Variants in COL3A1 observed in about 807,000 individuals in gnomAD.
The protein encoded by COL3A1 is collagen type III alpha 1 chain.
COL3A1 carries 46 observed loss-of-function variants against 200.9 expected under a neutral mutation model. That is an observed-to-expected ratio of 0.23 (90% CI 0.18 to 0.29). The LOEUF (loss-of-function observed/expected upper bound fraction) is 0.29, where lower values mean the gene tolerates loss of function less well. COL3A1 is among the 10% of genes least tolerant of loss of function. The pLI is 1.00. For missense variants in COL3A1, 1,367 were observed against 1,917.6 expected, an observed-to-expected ratio of 0.71 and a Z score of 5.36; for synonymous variants, 650 against 628.0, an observed-to-expected ratio of 1.03 and a Z score of -0.52.
intron 33 of COL3A1, 28 bp from the exon 34 acceptor site, chr2:189,001,508 G>C (rs896746955): frequency 1.2e-6 from 2 of 1,614,090 alleles, no homozygotes; most frequent in Non-Finnish European, 1.7e-6. Context: ...TTGGATGCAA[G>C]ACAGTGACAT....
At chr2:188,981,521 G>C (rs1043683485) in intron 1 of COL3A1, among the ~76,000 whole-genome samples, 1 of 151,370 alleles carries the variant, frequency 6.6e-6, no homozygotes, top group Non-Finnish European at 1.5e-5. Flanking sequence ...TTCAATAGTA[G>C]AATGAAATTA....
intron 1 of COL3A1, among the ~76,000 whole-genome samples, chr2:188,983,083 T>G (rs944161011): frequency 2.0e-5 from 3 of 151,940 alleles, no homozygotes; most frequent in Non-Finnish European, 4.4e-5. Flanking sequence ...GGTATTCAGC[T>G]TTTATATTCA....
chr2:188,991,699 C>T lies in COL3A1; in HGVS notation c.928C>T (p.Arg310Trp), dbSNP rs757062073. The T allele has an allele frequency of 1.3e-5, 21 of 1,613,972 alleles. No homozygotes were observed. The highest frequency in any genetic ancestry group is 8.3e-5 in the Admixed American group (5 of 60,022). The change falls in exon 13 of 51, where the codon CGG (arginine) becomes TGG (tryptophan). Residue 310 changes from arginine to tryptophan, a missense_variant. Physicochemically the swap from Arg to Trp is moderately radical, Grantham distance 101. Coordinates refer to ENST00000304636, the MANE Select transcript of COL3A1 (RefSeq NM_000090.4). ...AAGAGGGGCTCCTGGTGAGCGAGGA[C>T]GGCCAGGACTTCCTGGGGCTGCAGT... Reference protein sequence around the residue: ...GPRGAPGERGRPGLPGAAGAR... With the variant: ...GPRGAPGERGWPGLPGAAGAR...
At chr2:188,989,153 G>C (rs56107615) in intron 7 of COL3A1, among the ~76,000 whole-genome samples, 1 of 127,958 alleles carries the variant, frequency 7.8e-6, no homozygotes, top group Non-Finnish European at 1.5e-5. Context: ...ATTCCTAAAC[G>C]TGTAGAAATG....
chr2:188,996,575 A>G (rs2153502700), intron 24 of COL3A1, 79 bp downstream of exon 24: 2 of 1,188,988 alleles, frequency 1.7e-6, no homozygotes, highest in Non-Finnish European at 2.5e-6. Context: ...AGAAATGGTC[A>G]AAACTCAGTC....
chr2:188,978,029 A>G, intron 1 of COL3A1: 1 of 379,514 alleles, frequency 2.6e-6, no homozygotes, highest in Non-Finnish European at 5.2e-6. Flanking sequence ...CTTTTTTTCT[A>G]GGGAAAGAAA....
chr2:188,976,386 T>G (rs1475765078), intron 1 of COL3A1, among the ~76,000 whole-genome samples: 2 of 152,100 alleles, frequency 1.3e-5, no homozygotes, highest in African/African-American at 4.8e-5. Context: ...AAGTATAAAA[T>G]TTTGCTGATA....
At chr2:188,999,602 G>T (rs766600119) in intron 31 of COL3A1, 25 bp downstream of exon 31, 1 of 1,599,556 alleles carries the variant, frequency 6.3e-7, no homozygotes, top group South Asian at 1.1e-5. Context: ...TCTCTTAATT[G>T]TTCAATAAAT....
At chr2:188,976,397 T>C (rs1001061743) in intron 1 of COL3A1, among the ~76,000 whole-genome samples, 2 of 152,104 alleles carry the variant, frequency 1.3e-5, no homozygotes, top group African/African-American at 4.8e-5. Flanking sequence ...TTTGCTGATA[T>C]GTGTTTGTGT....
rs1445948523 is a variant in COL3A1 at position 188,985,244 on chromosome 2, T to C, written c.330T>C (p.Asp110=). ...NGQGPQGPKG[D]PGPPGIPGRN... ...AAGGACCTCAAGGCCCCAAGGGAGA[T>C]CCAGTAAGTAAACATTCTTCAGTAG... Residue 110 remains aspartate (D), a synonymous_variant, in exon 3 of 51, where the codon GAT becomes GAC. Coordinates refer to ENST00000304636, the MANE Select transcript of COL3A1 (RefSeq NM_000090.4). The C allele has an allele frequency of 2.5e-6, 4 of 1,609,068 alleles. No homozygotes were observed. Among genetic ancestry groups the C allele is most frequent in the Non-Finnish European group, 3.4e-6 (4 of 1,175,776 alleles).
chr2:188,988,036 T>C (rs767644993), intron 5 of COL3A1, 45 bp from the exon 6 acceptor site: 1 of 1,422,146 alleles, frequency 7.0e-7, no homozygotes, highest in South Asian at 1.1e-5. Context: ...ATAAAGTGTA[T>C]TTTGCATTCA....
chr2:189,005,505 A>G (rs1249541259), intron 41 of COL3A1, 48 bp downstream of exon 41: 2 of 1,509,316 alleles, frequency 1.3e-6, no homozygotes, highest in Admixed American at 3.4e-5. Context: ...TTGATAATTT[A>G]TTTCAGCAAA....
chr2:189,006,896 A>G (rs1347298049), intron 43 of COL3A1, 41 bp from the exon 44 acceptor site: 4 of 1,601,768 alleles, frequency 2.5e-6, no homozygotes, highest in Non-Finnish European at 3.4e-6. Flanking sequence ...ACATAAAACT[A>G]GTTCCGTGTA....
rs730880062 is a variant in COL3A1 at position 189,007,570 on chromosome 2, G to C, written c.3326G>C (p.Arg1109Pro). Residue 1109 changes from arginine (R) to proline (P), a missense_variant, in exon 45 of 51, where the codon CGA becomes CCA. Physicochemically the swap from Arg to Pro is moderately radical, Grantham distance 103. Transcript: ENST00000304636. ...ERGAAGIKGH[R>P]GFPGNPGAPG... Reference sequence around the variant, plus strand: ...GGAGCTGCTGGCATCAAAGGACATCGAGGATTCCCTGGTAATCCAGGTGCC... The same window carrying C: ...GGAGCTGCTGGCATCAAAGGACATCCAGGATTCCCTGGTAATCCAGGTGCC... 6.2e-7 allele frequency: 1 copy of C among 1,613,594 alleles called. No homozygotes were observed.
intron 3 of COL3A1, 25 bp downstream of exon 3, chr2:188,985,272 T>G (rs1385134139): frequency 6.4e-7 from 1 of 1,561,194 alleles, no homozygotes; most frequent in Non-Finnish European, 8.8e-7. Flanking sequence ...TTCAGTAGAA[T>G]AAAATTAATA....
At chr2:189,000,045 T>G in intron 32 of COL3A1, 150 bp downstream of exon 32, 1 of 805,190 alleles carries the variant, frequency 1.2e-6, no homozygotes, top group Admixed American at 2.2e-5. Flanking sequence ...TATAATGAAA[T>G]TTGTGGTCTA....
intron 1 of COL3A1, among the ~76,000 whole-genome samples, chr2:188,980,822 A>T (rs1687936842): frequency 6.6e-6 from 1 of 151,226 alleles, no homozygotes; most frequent in South Asian, 2.1e-4. Context: ...ACATTATTTC[A>T]ATTGGAAACT....
intron 14 of COL3A1, 89 bp from the exon 15 acceptor site, chr2:188,992,798 T>C: frequency 9.9e-7 from 1 of 1,006,040 alleles, no homozygotes; most frequent in Non-Finnish European, 1.6e-6. Context: ...AAATATCTTC[T>C]TTACTTTATA....
rs1016630425 is a variant in COL3A1, at chr2:189,003,085, G to GTCTA, written c.2553+34_2553+37dup. Reference sequence around the variant, plus strand: ...GCTGTAAGTTCCTTCCTCTTTCTCTGTCTATCTATCTATCATCTATCTATC... The same window carrying GTCTA: ...GCTGTAAGTTCCTTCCTCTTTCTCTGTCTATCTATCTATCTATCATCTATCTATC... On this transcript the variant is annotated intron_variant, in intron 36 of 50. Coordinates refer to ENST00000304636, the MANE Select transcript of COL3A1 (RefSeq NM_000090.4). 2.2e-5 allele frequency: 33 copies of GTCTA among 1,489,258 alleles called. 1 individual carries two copies. Among genetic ancestry groups the GTCTA allele is most frequent in the Non-Finnish European group, 2.8e-5 (30 of 1,090,530 alleles). The allele number at this position is 1,489,258 out of a possible 1,614,324, so 92.3% of individuals were successfully genotyped here. A position where few individuals can be genotyped will look rare whatever the true frequency, so the allele number is the denominator to read the frequency against.
Sources: allele counts gnomAD v4.1 joint callset (sites outside exome capture counted in the v4.1 genomes callset), GRCh38; gene constraint gnomAD v4.1.1; transcripts MANE v1.5; gene names NCBI Gene and HGNC (gene_info 2026-07-23, HGNC 2026-07-21).